The following ARHGAP18 variants were observed in gnomAD, a reference collection of about 807,000 sequenced individuals.
ARHGAP18 encodes the protein rho GTPase-activating protein 18.
A neutral mutation model predicts 86.2 loss-of-function variants in ARHGAP18; 67 were observed. The observed-to-expected ratio is 0.78, with a 90% confidence interval of 0.64 to 0.95. ARHGAP18 has a LOEUF of 0.95. Among genes scored for constraint, ARHGAP18 ranks in the 40% least tolerant of loss-of-function variants. The pLI, the probability that ARHGAP18 is intolerant of heterozygous loss-of-function variation, is 0.00. For synonymous variants in ARHGAP18, 283 were observed against 280.4 expected, an observed-to-expected ratio of 1.01 and a Z score of -0.09; for missense variants, 691 against 780.4, an observed-to-expected ratio of 0.89 and a Z score of 1.37.
chr6:129,701,568 G>C lies in ARHGAP18; in HGVS notation c.113+8456C>G, dbSNP rs149043056. Among the ~76,000 whole-genome samples the C allele has an allele frequency of 1.1e-4, 17 of 152,282 alleles. No homozygotes were observed. The East Asian group carries it at 2.9e-3, about 26-fold the overall frequency. On this transcript the variant is annotated intron_variant, in intron 1 of 14. Transcript: ENST00000368149. The stretch of plus-strand genomic sequence containing the variant: ...GGGCAGATCGTGAGGTCAGGAGTTC[G>C]AGAACAGCCTGACTAACATGGTGAA...
intron 13 of ARHGAP18, among the ~76,000 whole-genome samples, chr6:129,580,704 T>G (rs944856764): frequency 6.6e-6 from 1 of 152,026 alleles, no homozygotes; most frequent in African/African-American, 2.4e-5. Flanking sequence ...AAAACCCCAT[T>G]TCTACCCAAA....
At chr6:129,639,556 G>A (rs1053606352) in intron 2 of ARHGAP18, among the ~76,000 whole-genome samples, 3 of 152,142 alleles carry the variant, frequency 2.0e-5, no homozygotes, top group African/African-American at 7.2e-5. Context: ...AATGTTATAT[G>A]GAAGGAGCTT....
At chr6:129,592,904 A>C (rs1788545544) in intron 12 of ARHGAP18, among the ~76,000 whole-genome samples, 1 of 152,206 alleles carries the variant, frequency 6.6e-6, no homozygotes, top group African/African-American at 2.4e-5. Flanking sequence ...GGATGCAACA[A>C]GATCAGAAAA....
chr6:129,626,659 A>G (rs1789479345), intron 5 of ARHGAP18, among the ~76,000 whole-genome samples: 1 of 121,030 alleles, frequency 8.3e-6, no homozygotes, highest in African/African-American at 3.0e-5. Flanking sequence ...TGTACCCCCA[A>G]AACACACACA....
intron 9 of ARHGAP18, among the ~76,000 whole-genome samples, chr6:129,607,356 C>T (rs748211339): frequency 5.9e-5 from 9 of 152,234 alleles, no homozygotes; most frequent in African/African-American, 1.7e-4. Context: ...TTGCCCAAGA[C>T]GACAAAATGG....
In ARHGAP18 at chr6:129,675,206, C is replaced by G. The variant is rs969496303; in HGVS notation, c.114-33188G>C. ...GGGAGATCTGGACTTAGACCCCAGG[C>G]AATCCACCTTCAGTTCACTCAGGTG... On this transcript the variant is annotated intron_variant, in intron 1 of 14. Transcript: ENST00000368149. Among the ~76,000 whole-genome samples the G allele has an allele frequency of 3.3e-5, 5 of 152,028 alleles. No homozygotes were observed. The South Asian group carries it at 1.0e-3, about 32-fold the overall frequency.
intron 7 of ARHGAP18, among the ~76,000 whole-genome samples, chr6:129,612,494 C>T (rs1789000581): frequency 6.6e-6 from 1 of 152,166 alleles, no homozygotes; most frequent in African/African-American, 2.4e-5. Context: ...ATTCTTCACT[C>T]ATCCACAGTC....
chr6:129,686,914 C>T (rs1159057839), intron 1 of ARHGAP18, among the ~76,000 whole-genome samples: 15 of 151,010 alleles, frequency 9.9e-5, no homozygotes, highest in East Asian at 3.9e-4. Flanking sequence ...CCTCAGCCTC[C>T]GGAGTAGTTG....
chr6:129,686,569 G>A (rs1390230576), intron 1 of ARHGAP18, among the ~76,000 whole-genome samples: 1 of 152,190 alleles, frequency 6.6e-6, no homozygotes, highest in African/African-American at 2.4e-5. Context: ...CTTCTTCAAA[G>A]TTCAGTCTCT....
At chr6:129,677,407 AT>A (rs199715747) in intron 1 of ARHGAP18, among the ~76,000 whole-genome samples, 1 of 150,774 alleles carries the variant, frequency 6.6e-6, no homozygotes, top group East Asian at 1.9e-4. Context: ...AAAAAAAAAA[AT>A]TGCTTTTGTT....
intron 12 of ARHGAP18, among the ~76,000 whole-genome samples, chr6:129,598,598 A>C (rs1788666971): frequency 6.6e-6 from 1 of 152,182 alleles, no homozygotes; most frequent in Admixed American, 6.6e-5. Context: ...TTGTAAACCC[A>C]GTTCTTAATA....
chr6:129,633,334 C>G (rs1773257778), intron 4 of ARHGAP18, among the ~76,000 whole-genome samples: 1 of 149,488 alleles, frequency 6.7e-6, no homozygotes, highest in African/African-American at 2.5e-5. Context: ...ACTGGGAAGG[C>G]TGAGGCAGGA....
intron 12 of ARHGAP18, among the ~76,000 whole-genome samples, chr6:129,593,844 C>T (rs1788563820): frequency 6.6e-6 from 1 of 152,192 alleles, no homozygotes; most frequent in African/African-American, 2.4e-5. Flanking sequence ...ATGCTGTAGT[C>T]ACTAAAAACA....
intron 1 of ARHGAP18, among the ~76,000 whole-genome samples, chr6:129,690,082 T>G (rs1420576359): frequency 6.6e-6 from 1 of 152,182 alleles, no homozygotes; most frequent in Non-Finnish European, 1.5e-5. Flanking sequence ...TTATAATGTT[T>G]TATTCATTAC....
chr6:129,609,202 T>C lies in ARHGAP18; in HGVS notation c.1123-1150A>G, dbSNP rs148702879. Among the ~76,000 whole-genome samples, 1,122 of 150,556 alleles carry C rather than the reference T, an allele frequency of 7.5e-3. 7 individuals carry two copies. Among genetic ancestry groups the C allele is most frequent in the Non-Finnish European group, 0.012 (837 of 67,524 alleles). On this transcript the variant is annotated intron_variant, in intron 8 of 14. Transcript: ENST00000368149. ...AAAATGGAGGGAGAGGGAGAGAGAA[T>C]AGTACAGAGAAATTTGGTGGGGCCA...
chr6:129,579,615 A>T (rs910596234), intron 14 of ARHGAP18, among the ~76,000 whole-genome samples: 4 of 152,212 alleles, frequency 2.6e-5, no homozygotes, highest in African/African-American at 9.6e-5. Context: ...ACTAATGTGA[A>T]TTTGAGTGTG....
chr6:129,625,098 T>TATATATA (rs1789332671), intron 5 of ARHGAP18, among the ~76,000 whole-genome samples: 2 of 80,666 alleles, frequency 2.5e-5, no homozygotes, highest in Admixed American at 3.9e-4. Context: ...TGATATATGA[T>TATATATA]ATATATTATA....
chr6:129,696,430 T>C (rs560010794), intron 1 of ARHGAP18, among the ~76,000 whole-genome samples: 1 of 152,292 alleles, frequency 6.6e-6, no homozygotes, highest in South Asian at 2.1e-4. Context: ...GTGTCTAAAA[T>C]CTAAATTTAC....
chr6:129,675,273 T>A (rs1584107035), intron 1 of ARHGAP18, among the ~76,000 whole-genome samples: 1 of 148,336 alleles, frequency 6.7e-6, no homozygotes, highest in Admixed American at 6.8e-5. Flanking sequence ...AGAGGTTGAG[T>A]GGCGGGAGGC....
Sources: allele counts gnomAD v4.1 joint callset (sites outside exome capture counted in the v4.1 genomes callset), GRCh38; gene constraint gnomAD v4.1.1; transcripts MANE v1.5; gene names NCBI Gene and HGNC (gene_info 2026-07-23, HGNC 2026-07-21).